PARD3: variants seen among roughly 807,000 people sequenced by gnomAD.
The protein encoded by PARD3 is par-3 family cell polarity regulator, also known as partitioning defective 3 homolog.
PARD3 carries 75 observed loss-of-function variants against 155.4 expected under a neutral mutation model. The observed-to-expected ratio is 0.48, with a 90% CI of 0.40 to 0.58. The LOEUF is 0.58. Among genes scored for constraint, PARD3 ranks in the 20% least tolerant of loss-of-function variants. The pLI is 0.00. For missense variants in PARD3, 1,642 were observed against 1,721.7 expected, an observed-to-expected ratio of 0.95 and a Z score of 0.82; for synonymous variants, 576 against 610.5, an observed-to-expected ratio of 0.94 and a Z score of 0.83.
At chr10:34,352,474 T>C (rs1049248653) in intron 14 of PARD3, among the ~76,000 whole-genome samples, 3 of 152,184 alleles carry the variant, frequency 2.0e-5, no homozygotes, top group Non-Finnish European at 4.4e-5. Context: ...GCCTGCAGAG[T>C]GCCTGGGATT....
chr10:34,197,769 C>T (rs996889740), intron 22 of PARD3, among the ~76,000 whole-genome samples: 3 of 152,184 alleles, frequency 2.0e-5, no homozygotes, highest in Non-Finnish European at 4.4e-5. Context: ...CTCACTCTGT[C>T]GCCAGGCTGG....
chr10:34,656,039 T>C (rs2093158111), intron 2 of PARD3, among the ~76,000 whole-genome samples: 1 of 152,218 alleles, frequency 6.6e-6, no homozygotes, highest in South Asian at 2.1e-4. Flanking sequence ...GACTTGGGAA[T>C]GGCTCACTCA....
At chr10:34,637,601 A>C (rs2092527722) in intron 2 of PARD3, among the ~76,000 whole-genome samples, 1 of 152,162 alleles carries the variant, frequency 6.6e-6, no homozygotes, top group South Asian at 2.1e-4. Context: ...AATGCCCCCC[A>C]CACCTGCCAA....
intron 1 of PARD3, among the ~76,000 whole-genome samples, chr10:34,710,034 G>A (rs568410746): frequency 2.2e-4 from 33 of 152,174 alleles, no homozygotes; most frequent in Non-Finnish European, 3.2e-4. Flanking sequence ...TTGGTACCAC[G>A]CATCAAAATG....
intron 1 of PARD3, among the ~76,000 whole-genome samples, chr10:34,748,865 G>C (rs116285838): frequency 8.1e-4 from 124 of 152,154 alleles, no homozygotes; most frequent in African/African-American, 2.6e-3. Flanking sequence ...TATAACATTC[G>C]GGCTACCACT....
chr10:34,286,067 A>T (rs1956373652), intron 20 of PARD3, among the ~76,000 whole-genome samples: 1 of 152,206 alleles, frequency 6.6e-6, no homozygotes, highest in South Asian at 2.1e-4. Context: ...TAAATACAAA[A>T]CATTAAAAAT....
At chr10:34,792,098 C>G (rs1191812032) in intron 1 of PARD3, among the ~76,000 whole-genome samples, 1 of 152,160 alleles carries the variant, frequency 6.6e-6, no homozygotes, top group Non-Finnish European at 1.5e-5. Flanking sequence ...CGCCCTGTTC[C>G]TGCCTCAGGA....
At chr10:34,733,780 G>A (rs377657486) in intron 1 of PARD3, among the ~76,000 whole-genome samples, 55 of 152,336 alleles carry the variant, frequency 3.6e-4, no homozygotes, top group African/African-American at 1.2e-3. Flanking sequence ...GATTATGGGC[G>A]TGAGCCACCG....
Position 34,110,953 on chromosome 10 carries a change from C to G in PARD3, c.*216G>C. ...GAACACCTCAAACAGATGATTGTCA[C>G]AGGGTGGGAAATCCTTCCATGAAAC... On this transcript the variant is annotated 3_prime_UTR_variant, in exon 25 of 25. Transcript: ENST00000374788. 2.1e-6 allele frequency: 1 copy of G among 473,558 alleles called. No individual in the cohort carries two copies. The highest frequency in any genetic ancestry group is 3.7e-5 in the Admixed American group (1 of 27,196). 29.3% of individuals were successfully genotyped at this position (473,558 alleles called of 1,614,324 possible).
At chr10:34,243,622 G>A (rs1481371723) in intron 22 of PARD3, among the ~76,000 whole-genome samples, 1 of 152,134 alleles carries the variant, frequency 6.6e-6, no homozygotes, top group Non-Finnish European at 1.5e-5. Flanking sequence ...TGGATCACGA[G>A]GTCAGGAGTT....
At chr10:34,333,944 G>GA (rs1564597282) in intron 18 of PARD3, among the ~76,000 whole-genome samples, 1 of 151,350 alleles carries the variant, frequency 6.6e-6, no homozygotes, top group African/African-American at 2.4e-5. Context: ...AATGTCTTTA[G>GA]AAAAAAAATT....
At chr10:34,207,160 C>T (rs77097146) in intron 22 of PARD3, among the ~76,000 whole-genome samples, 92 of 152,288 alleles carry the variant, frequency 6.0e-4, no homozygotes, top group African/African-American at 2.1e-3. Context: ...CCTACATCAG[C>T]AATTCACGCC....
intron 12 of PARD3, among the ~76,000 whole-genome samples, chr10:34,367,004 CTT>C (rs1254136357): frequency 6.6e-6 from 1 of 152,120 alleles, no homozygotes; most frequent in Non-Finnish European, 1.5e-5. Context: ...TTTTGAAAGA[CTT>C]TTAAATTTTT....
chr10:34,591,671 TG>T (rs1185415135), intron 2 of PARD3, among the ~76,000 whole-genome samples: 7 of 152,064 alleles, frequency 4.6e-5, no homozygotes, highest in Non-Finnish European at 1.0e-4. Context: ...GAATTCCCAG[TG>T]GGGAAACAGA....
chr10:34,250,089 A>G (rs1267139021), intron 22 of PARD3, among the ~76,000 whole-genome samples: 1 of 152,206 alleles, frequency 6.6e-6, no homozygotes, highest in Non-Finnish European at 1.5e-5. Flanking sequence ...TTCTTGGAAC[A>G]TATGAAATAG....
chr10:34,788,634 G>A (rs1166262480), intron 1 of PARD3, among the ~76,000 whole-genome samples: 4 of 152,130 alleles, frequency 2.6e-5, no homozygotes, highest in Admixed American at 2.6e-4. Flanking sequence ...ATTTTCAGTA[G>A]AGACAAGGTT....
intron 2 of PARD3, chr10:34,676,092 C>G (rs2093700457): frequency 6.6e-6 from 1 of 152,594 alleles, no homozygotes; most frequent in South Asian, 2.1e-4. Context: ...CGCACCCAAG[C>G]CTCCGCCTCC....
intron 2 of PARD3, among the ~76,000 whole-genome samples, chr10:34,597,698 T>C (rs967051711): frequency 4.0e-5 from 6 of 149,126 alleles, no homozygotes; most frequent in Admixed American, 1.3e-4. Flanking sequence ...ATAGGGAAGA[T>C]GAAGCTGGGG....
At chr10:34,809,160 C>T (rs1843756298) in intron 1 of PARD3, among the ~76,000 whole-genome samples, 1 of 152,328 alleles carries the variant, frequency 6.6e-6, no homozygotes, top group South Asian at 2.1e-4. Context: ...ACACACCAAA[C>T]CTTAAAGTCC....
Sources: allele counts gnomAD v4.1 joint callset (sites outside exome capture counted in the v4.1 genomes callset), GRCh38; gene constraint gnomAD v4.1.1; transcripts MANE v1.5; gene names NCBI Gene and HGNC (gene_info 2026-07-23, HGNC 2026-07-21).